The following NIT2 variants were observed in gnomAD, a reference collection of about 807,000 sequenced individuals.
NIT2 encodes the protein omega-amidase NIT2.
A neutral mutation model predicts 42.7 loss-of-function variants in NIT2; 46 were observed. That is an observed-to-expected ratio of 1.08 (90% CI 0.85 to 1.38). The LOEUF (loss-of-function observed/expected upper bound fraction) is 1.38. Ranked by LOEUF, NIT2 falls within the 40% of genes most tolerant of loss-of-function variation. The probability of loss-of-function intolerance (pLI) is 0.00; values close to 1 mark genes in which losing one functional copy is unlikely to be tolerated. For synonymous variants in NIT2, 123 were observed against 121.9 expected, an observed-to-expected ratio of 1.01 and a Z score of -0.06; for missense variants, 309 against 342.5, an observed-to-expected ratio of 0.90 and a Z score of 0.77.
rs1185233231 is a variant in NIT2 at position 100,345,579 on chromosome 3, A to T, written c.337-6A>T. On this transcript the variant is annotated splice_polypyrimidine_tract_variant and splice_region_variant and intron_variant, in intron 4 of 9. Transcript: ENST00000394140. ...GAGGTAACCAAATCCATTATTTGTG[A>T]TGCAGATCCATCTGTTTGACATTGA... 1.3e-6 allele frequency: 2 copies of T among 1,595,206 alleles called. No homozygotes were observed. The highest frequency in any genetic ancestry group is 2.2e-5 in the South Asian group (2 of 90,160).
In NIT2 at chr3:100,352,497, C is replaced by T. The variant is rs778029918; in HGVS notation, c.678C>T (p.Asn226=). ...YVAWGHSTVV[N]PWGEVLAKAG... is the part of the protein sequence containing the mutation. ...CCTGGGGACACAGCACCGTGGTGAA[C>T]CCTTGGTGAGTAAGGCTAAGTGAGA... The change falls in exon 8 of 10, where the codon AAC becomes AAT. Residue 226 remains asparagine, a synonymous_variant. Transcript: ENST00000394140. 3 of 1,612,076 alleles carry T rather than the reference C, an allele frequency of 1.9e-6. No individual in the cohort carries two copies. Among genetic ancestry groups the T allele is most frequent in the African/African-American group, 1.3e-5 (1 of 74,882 alleles).
At chr3:100,346,795 C>G (rs752187246) in intron 6 of NIT2, among the ~76,000 whole-genome samples, 2 of 152,112 alleles carry the variant, frequency 1.3e-5, no homozygotes, top group Non-Finnish European at 2.9e-5. Context: ...GAAGAGAGAA[C>G]CTATAAAGCC....
chr3:100,350,821 G>A (rs893312000), intron 7 of NIT2, among the ~76,000 whole-genome samples: 1 of 152,056 alleles, frequency 6.6e-6, no homozygotes, highest in Non-Finnish European at 1.5e-5. Context: ...TCGTCATTTA[G>A]CATTAGGTAT....
rs1043427639 is a variant in NIT2 at position 100,358,165 on chromosome 3, G to C, written c.*2897G>C. 6.6e-6 allele frequency: 1 copy of C among 152,148 alleles called. No individual in the cohort carries two copies. The highest frequency in any genetic ancestry group is 1.5e-5 in the Non-Finnish European group (1 of 68,038). The allele number at this position is 152,148 out of a possible 1,614,324, so 9.4% of individuals were successfully genotyped here. ...GGAGATCTTGCCTTCTGGTACTCTT[G>C]AAAAATATGAAAAGAAACAACTGAA... On this transcript the variant is annotated 3_prime_UTR_variant, in exon 10 of 10. Transcript: ENST00000394140.
At chr3:100,352,907 T>A (rs1559825939) in intron 8 of NIT2, among the ~76,000 whole-genome samples, 1 of 152,224 alleles carries the variant, frequency 6.6e-6, no homozygotes, top group Non-Finnish European at 1.5e-5. Context: ...GCTTCCAGCA[T>A]AATGATCAGA....
At chr3:100,345,255 G>A (rs543208919) in intron 4 of NIT2, among the ~76,000 whole-genome samples, 118 of 152,192 alleles carry the variant, frequency 7.8e-4, no homozygotes, top group South Asian at 1.7e-3. Context: ...CACCGTGTCC[G>A]GCCTGATTCT....
intron 1 of NIT2, among the ~76,000 whole-genome samples, chr3:100,337,520 C>T (rs889138145): frequency 1.3e-5 from 2 of 152,196 alleles, no homozygotes; most frequent in African/African-American, 4.8e-5. Flanking sequence ...GTGGCGCGAT[C>T]TTGGCTCACT....
chr3:100,339,300 A>G (rs1310293286), intron 2 of NIT2, 95 bp downstream of exon 2: 19 of 821,988 alleles, frequency 2.3e-5, no homozygotes, highest in Non-Finnish European at 2.6e-5. Context: ...CCTGGGGTCC[A>G]GCAGTGTCCC....
At chr3:100,340,341 C>T (rs1706134999) in intron 3 of NIT2, among the ~76,000 whole-genome samples, 1 of 152,080 alleles carries the variant, frequency 6.6e-6, no homozygotes, top group African/African-American at 2.4e-5. Context: ...GCTAGGATTA[C>T]AGGTGTGAGC....
rs1290269777 is a variant in NIT2 at position 100,336,794 on chromosome 3, C to CAGAT, written c.7+1997_7+2000dup. ...CCGTTGCCCAGGGACGGGCAGGAGACAGATGCCTGCCTTCCTCTTGTCTCA... is the reference window on the plus strand; with the variant it reads ...CCGTTGCCCAGGGACGGGCAGGAGACAGATAGATGCCTGCCTTCCTCTTGTCTCA... On this transcript the variant is annotated intron_variant, in intron 1 of 9. Transcript: ENST00000394140. Among the ~76,000 whole-genome samples, 5 of 152,124 alleles carry CAGAT rather than the reference C, an allele frequency of 3.3e-5. No homozygotes were observed. The East Asian group carries it at 9.7e-4, about 29-fold the overall frequency.
chr3:100,348,907 C>A, intron 7 of NIT2, 26 bp downstream of exon 7: 1 of 1,597,512 alleles, frequency 6.3e-7, no homozygotes, highest in Admixed American at 1.7e-5. Flanking sequence ...TATATTCAAG[C>A]CTCTCGGCAT....
intron 1 of NIT2, among the ~76,000 whole-genome samples, chr3:100,338,488 G>A (rs1009942118): frequency 6.6e-6 from 1 of 152,180 alleles, no homozygotes; most frequent in African/African-American, 2.4e-5. Flanking sequence ...TGCCAGCAGC[G>A]GGATCGATGT....
Position 100,355,558 on chromosome 3 carries a change from G to A in NIT2, c.*290G>A, listed in dbSNP as rs146595400. ...TGAAAGTATCAGATCTTGGTATCCT[G>A]GTGATTGATTCACCTAATATAAATA... On this transcript the variant is annotated 3_prime_UTR_variant, in exon 10 of 10. Coordinates refer to ENST00000394140, the MANE Select transcript of NIT2 (RefSeq NM_020202.5). The A allele has an allele frequency of 6.3e-3, 1,904 of 303,436 alleles. 34 individuals carry two copies. The highest frequency in any genetic ancestry group is 0.039 in the African/African-American group (1,787 of 45,988). The allele number at this position is 303,436 out of a possible 1,614,324, so 18.8% of individuals were successfully genotyped here.
Position 100,352,505 on chromosome 3 carries a change from G to T in NIT2, c.683+3G>T. 6.2e-7 allele frequency: 1 copy of T among 1,610,748 alleles called. No homozygotes were observed. Among genetic ancestry groups the T allele is most frequent in the South Asian group, 1.1e-5 (1 of 90,994 alleles). On this transcript the variant is annotated splice_donor_region_variant and intron_variant, in intron 8 of 9. Transcript: ENST00000394140. ...CACAGCACCGTGGTGAACCCTTGGT[G>T]AGTAAGGCTAAGTGAGAATAGGCTC... is the stretch of plus-strand genomic sequence containing the variant.
rs978718416 is a variant in NIT2, at chr3:100,355,108, G to A, written c.740-69G>A. 8 of 1,166,192 alleles carry A rather than the reference G, an allele frequency of 6.9e-6. No homozygotes were observed. The African/African-American group carries it at 9.1e-5, about 13-fold the overall frequency. 72.2% of individuals were successfully genotyped at this position (1,166,192 alleles called of 1,614,324 possible). On this transcript the variant is annotated intron_variant, in intron 9 of 9. Coordinates refer to ENST00000394140, the MANE Select transcript of NIT2 (RefSeq NM_020202.5). ...AAGACTCTGGTGGTTTATACAGTCAGGGGAAGAAATCCCCTTGGTTAGTGA... is the reference window on the plus strand; with the variant it reads ...AAGACTCTGGTGGTTTATACAGTCAAGGGAAGAAATCCCCTTGGTTAGTGA...
At chr3:100,340,023 C>G in intron 3 of NIT2, 88 bp downstream of exon 3, 1 of 1,108,104 alleles carries the variant, frequency 9.0e-7, no homozygotes, top group Non-Finnish European at 1.3e-6. Context: ...GTATTCCCTA[C>G]TTGGGAAGCT....
chr3:100,352,263 G>A, intron 7 of NIT2, 141 bp from the exon 8 acceptor site: 2 of 558,082 alleles, frequency 3.6e-6, no homozygotes, highest in East Asian at 3.2e-5. Flanking sequence ...TTAAAGAGAA[G>A]GTTCCATGGC....
chr3:100,339,082 C>G lies in NIT2; in HGVS notation c.8-5C>G. 1.3e-6 allele frequency: 2 copies of G among 1,599,322 alleles called. No individual in the cohort carries two copies. The highest frequency in any genetic ancestry group is 8.6e-7 in the Non-Finnish European group (1 of 1,166,538). ...ATAGCTGTTTTCTTTTGTCTTTGTTCTCAGCTTTCCGCTTGGCCCTCATCC... is the reference window on the plus strand; with the variant it reads ...ATAGCTGTTTTCTTTTGTCTTTGTTGTCAGCTTTCCGCTTGGCCCTCATCC... On this transcript the variant is annotated splice_region_variant and splice_polypyrimidine_tract_variant and intron_variant, in intron 1 of 9. Coordinates refer to ENST00000394140, the MANE Select transcript of NIT2 (RefSeq NM_020202.5).
chr3:100,335,655 G>A (rs1156763214), intron 1 of NIT2, among the ~76,000 whole-genome samples: 1 of 152,188 alleles, frequency 6.6e-6, no homozygotes, highest in Non-Finnish European at 1.5e-5. Flanking sequence ...GGTGAGATGT[G>A]TAGGAGAGGA....
Sources: allele counts gnomAD v4.1 joint callset (sites outside exome capture counted in the v4.1 genomes callset), GRCh38; gene constraint gnomAD v4.1.1; transcripts MANE v1.5; gene names NCBI Gene and HGNC (gene_info 2026-07-23, HGNC 2026-07-21).